The following DRC11 variants were observed in gnomAD, a reference collection of about 807,000 sequenced individuals.
The protein encoded by DRC11 is IQ and AAA domain-containing protein 1.
At chr2:236,419,556 G>T in the DRC11 span, among the ~76,000 whole-genome samples, 2 of 152,130 alleles carry the variant, frequency 1.3e-5, no homozygotes, top group Non-Finnish European at 2.9e-5. This position sits in a 1 kb window ranked among gnomAD's most constrained non-coding sequence, Gnocchi z 4.8. Flanking sequence ...AGCTCCTGGA[G>T]GTTCCACAAA....
At chr2:236,486,454 C>G in the DRC11 span, among the ~76,000 whole-genome samples, 2 of 151,860 alleles carry the variant, frequency 1.3e-5, no homozygotes, top group Non-Finnish European at 1.5e-5. This position sits in a 1 kb window ranked among gnomAD's most constrained non-coding sequence, Gnocchi z 5.7. Flanking sequence ...CTTTCCATCT[C>G]TATGATTCAG....
chr2:236,348,500 G>T, the DRC11 span, among the ~76,000 whole-genome samples: 2 of 152,206 alleles, frequency 1.3e-5, no homozygotes, highest in South Asian at 2.1e-4. This position sits in a 1 kb window ranked among gnomAD's most constrained non-coding sequence, Gnocchi z 7.4. Context: ...CACATGCTTG[G>T]AAGTTGGAGA....
the DRC11 span, among the ~76,000 whole-genome samples, chr2:236,321,958 T>C: frequency 2.6e-5 from 4 of 151,960 alleles, no homozygotes; most frequent in Admixed American, 2.6e-4. Flanking sequence ...TGTGCTAAGA[T>C]AGGGGAGCTA....
At chr2:236,392,679 G>A in the DRC11 span, among the ~76,000 whole-genome samples, 1 of 152,064 alleles carries the variant, frequency 6.6e-6, no homozygotes. The surrounding 1 kb of genome is among the most constrained non-coding windows in gnomAD (Gnocchi z 5.1). Context: ...TTAATGCTGG[G>A]ATTATACAAT....
the DRC11 span, among the ~76,000 whole-genome samples, chr2:236,449,043 AGAG>A: frequency 1.3e-5 from 2 of 151,744 alleles, no homozygotes; most frequent in Non-Finnish European, 1.5e-5. This position sits in a 1 kb window ranked among gnomAD's most constrained non-coding sequence, Gnocchi z 5.1. Flanking sequence ...TGTTTTTAGT[AGAG>A]ATGGGGTTTC....
At chr2:236,417,557 A>G in the DRC11 span, among the ~76,000 whole-genome samples, 4 of 143,054 alleles carry the variant, frequency 2.8e-5, no homozygotes, top group African/African-American at 7.7e-5. Context: ...CAGGATCATG[A>G]TCTTTTTTTT....
the DRC11 span, among the ~76,000 whole-genome samples, chr2:236,316,327 T>A: frequency 6.6e-6 from 1 of 152,148 alleles, no homozygotes; most frequent in Non-Finnish European, 1.5e-5. The surrounding 1 kb of genome is among the most constrained non-coding windows in gnomAD (Gnocchi z 6.8). Flanking sequence ...CACGCCCAGA[T>A]AATTTTTGTA....
chr2:236,459,660 C>T, the DRC11 span, among the ~76,000 whole-genome samples: 80 of 101,516 alleles, frequency 7.9e-4, 2 homozygotes, highest in African/African-American at 2.2e-3. Context: ...TATGTATATA[C>T]ATACGTATAT....
chr2:236,317,810 T>C, the DRC11 span, among the ~76,000 whole-genome samples: 1 of 152,236 alleles, frequency 6.6e-6, no homozygotes, highest in African/African-American at 2.4e-5. This position sits in a 1 kb window ranked among gnomAD's most constrained non-coding sequence, Gnocchi z 5.4. Flanking sequence ...CCAAAACTCA[T>C]GGCCCCTGGC....
At chr2:236,416,738 TA>T in the DRC11 span, among the ~76,000 whole-genome samples, 5 of 52,952 alleles carry the variant, frequency 9.4e-5, no homozygotes, top group Non-Finnish European at 2.0e-4. Context: ...TATATATATA[TA>T]TATATATATA....
At chr2:236,489,238 G>A in the DRC11 span, among the ~76,000 whole-genome samples, 6 of 146,766 alleles carry the variant, frequency 4.1e-5, no homozygotes, top group Non-Finnish European at 7.5e-5. Flanking sequence ...TGTGGGCTCC[G>A]GGTGCAGGTG....
At chr2:236,382,741 C>A in the DRC11 span, among the ~76,000 whole-genome samples, 2 of 152,068 alleles carry the variant, frequency 1.3e-5, no homozygotes, top group Admixed American at 6.6e-5. Flanking sequence ...TCTATGTATT[C>A]ATTGATGATA....
At chr2:236,428,844 C>T in the DRC11 span, among the ~76,000 whole-genome samples, 1 of 152,098 alleles carries the variant, frequency 6.6e-6, no homozygotes, top group Non-Finnish European at 1.5e-5. Context: ...ATTTCATTAA[C>T]TAGTTTATTT....
the DRC11 span, among the ~76,000 whole-genome samples, chr2:236,319,342 A>G: frequency 1.3e-5 from 2 of 152,350 alleles, no homozygotes; most frequent in South Asian, 4.1e-4. The surrounding 1 kb of genome is among the most constrained non-coding windows in gnomAD (Gnocchi z 6.7). Flanking sequence ...ACGTCCAGGG[A>G]GAACGCTGTG....
At chr2:236,418,867 G>A in the DRC11 span, among the ~76,000 whole-genome samples, 6 of 152,192 alleles carry the variant, frequency 3.9e-5, no homozygotes, top group Non-Finnish European at 7.3e-5. Flanking sequence ...TTTTGAGGAA[G>A]GAAAACTCAA....
At chr2:236,426,975 T>C in the DRC11 span, among the ~76,000 whole-genome samples, 6 of 152,134 alleles carry the variant, frequency 3.9e-5, no homozygotes, top group African/African-American at 1.4e-4. This position sits in a 1 kb window ranked among gnomAD's most constrained non-coding sequence, Gnocchi z 4.1. Flanking sequence ...ATTTGTTGAG[T>C]TTTTATTATG....
chr2:236,388,174 C>T, the DRC11 span, among the ~76,000 whole-genome samples: 41 of 151,922 alleles, frequency 2.7e-4, 1 homozygote, highest in African/African-American at 9.2e-4. Context: ...ATCTTTGTGG[C>T]GTTCTCTGTA....
At chr2:236,311,513 T>A in the DRC11 span, among the ~76,000 whole-genome samples, 1 of 152,236 alleles carries the variant, frequency 6.6e-6, no homozygotes, top group African/African-American at 2.4e-5. This position sits in a 1 kb window ranked among gnomAD's most constrained non-coding sequence, Gnocchi z 6.9. Context: ...AGAACTGACC[T>A]TGCTCTGCAT....
chr2:236,445,549 A>G, the DRC11 span, among the ~76,000 whole-genome samples: 1 of 151,536 alleles, frequency 6.6e-6, no homozygotes, highest in Non-Finnish European at 1.5e-5. This position sits in a 1 kb window ranked among gnomAD's most constrained non-coding sequence, Gnocchi z 4.8. Flanking sequence ...CATGCTGGCC[A>G]GGCTGGTCTC....
Sources: allele counts gnomAD v4.1 joint callset (sites outside exome capture counted in the v4.1 genomes callset), GRCh38; gene constraint gnomAD v4.1.1; non-coding constraint Gnocchi (gnomAD v3.1); transcripts MANE v1.5; gene names NCBI Gene and HGNC (gene_info 2026-07-23, HGNC 2026-07-21).